ABTB2: variants seen among roughly 807,000 people sequenced by gnomAD.
ABTB2 encodes the protein ankyrin repeat and BTB domain containing 2.
A neutral mutation model predicts 104.1 loss-of-function variants in ABTB2; 56 were observed. The ratio of observed to expected loss-of-function variants is 0.54; its 90% CI spans 0.43 to 0.67. ABTB2 has a LOEUF of 0.67. ABTB2 is among the 30% of genes least tolerant of loss of function. The probability of loss-of-function intolerance (pLI) is 0.00; values close to 1 mark genes in which losing one functional copy is unlikely to be tolerated. For synonymous variants in ABTB2, 606 were observed against 608.2 expected (o/e 1.00, Z 0.05); for missense variants, 1,279 against 1,407.7 (o/e 0.91, Z 1.46).
intron 1 of ABTB2, among the ~76,000 whole-genome samples, chr11:34,317,770 A>AAAAAG (rs1854955068): frequency 6.6e-6 from 1 of 151,808 alleles, no homozygotes; most frequent in Non-Finnish European, 1.5e-5. Context: ...TCAAAAAAAA[A>AAAAAG]AAAAAAAAAT....
Position 34,234,115 on chromosome 11 carries a change from C to T in ABTB2, c.884-29425G>A, listed in dbSNP as rs187091676. 1.5e-3 allele frequency among the ~76,000 whole-genome samples: 225 copies of T among 152,288 alleles called. 3 individuals are homozygous for T. Among genetic ancestry groups the T allele is most frequent in the South Asian group, 7.7e-3 (37 of 4,824 alleles). On this transcript the variant is annotated intron_variant, in intron 1 of 16. Coordinates refer to ENST00000435224, the MANE Select transcript of ABTB2 (RefSeq NM_145804.3). ...TTCCACAGTGCTCTGGCAAGGCCTT[C>T]TCCGTGGCTCAGTTAGGGGGTTTCC...
chr11:34,318,353 T>C (rs1854965044), intron 1 of ABTB2, among the ~76,000 whole-genome samples: 2 of 152,144 alleles, frequency 1.3e-5, no homozygotes, highest in African/African-American at 4.8e-5. Context: ...TATGAGAACA[T>C]GTGATATTTG....
chr11:34,215,691 C>A (rs564436428), intron 1 of ABTB2, among the ~76,000 whole-genome samples: 1 of 152,320 alleles, frequency 6.6e-6, no homozygotes, highest in South Asian at 2.1e-4. Flanking sequence ...TAGGCCTAAT[C>A]ATACTTCCTA....
intron 3 of ABTB2, among the ~76,000 whole-genome samples, chr11:34,173,511 C>T (rs1007229593): frequency 6.6e-6 from 1 of 152,100 alleles, no homozygotes; most frequent in Non-Finnish European, 1.5e-5. Flanking sequence ...TAAGCACACA[C>T]ATGCTCACAA....
chr11:34,333,101 T>C lies in ABTB2; in HGVS notation c.883+23600A>G, dbSNP rs60118971. The stretch of plus-strand genomic sequence containing the variant: ...AGTTGATTCTCCTAATCCAACCCTA[T>C]AGCACAAGTACTATCACTTTAAAAA... On this transcript the variant is annotated intron_variant, in intron 1 of 16. Coordinates refer to ENST00000435224, the MANE Select transcript of ABTB2 (RefSeq NM_145804.3). Among the ~76,000 whole-genome samples the C allele has an allele frequency of 5.9e-3, 895 of 152,330 alleles. 7 individuals are homozygous for C. Among genetic ancestry groups the C allele is most frequent in the African/African-American group, 0.02 (833 of 41,570 alleles).
rs1266678819 is a variant in ABTB2 at position 34,356,161 on chromosome 11, C to T, written c.883+540G>A. On this transcript the variant is annotated intron_variant, in intron 1 of 16. Transcript: ENST00000435224. This position sits in a 1 kb window ranked among gnomAD's most constrained non-coding sequence, Gnocchi z 4.6. ...CCCCAAGAGAGCGCCTGACAGCATC[C>T]TTCAGCCCAGCAAAGCACAAGGCGC... is the stretch of plus-strand genomic sequence containing the variant. 6.6e-6 allele frequency among the ~76,000 whole-genome samples: 1 copy of T among 152,230 alleles called. No individual in the cohort carries two copies. The highest frequency in any genetic ancestry group is 1.5e-5 in the Non-Finnish European group (1 of 68,042).
In ABTB2 at chr11:34,357,623, C is replaced by T. The variant is rs776776749; in HGVS notation, c.-40G>A. 2.0e-6 allele frequency: 3 copies of T among 1,476,194 alleles called. No homozygotes were observed. In the South Asian group the frequency reaches 4.0e-5, roughly 20 times the overall value. The allele number at this position is 1,476,194 out of a possible 1,614,324, so 91.4% of individuals were successfully genotyped here. The stretch of plus-strand genomic sequence containing the variant: ...GGGCGGCGTCGCCGAGCGAGGGGCA[C>T]TCACAACTCCATGCCCTCTTTCCCA... On this transcript the variant is annotated 5_prime_UTR_variant, in exon 1 of 17. The change creates a new upstream start codon in the 5' untranslated region. Transcript: ENST00000435224.
chr11:34,208,732 C>T (rs1049769220), intron 1 of ABTB2, among the ~76,000 whole-genome samples: 1 of 152,068 alleles, frequency 6.6e-6, no homozygotes, highest in African/African-American at 2.4e-5. Context: ...CCGTGGCCAC[C>T]CGGTTGCCCA....
At chr11:34,274,158 CAAAAAAAAAAAAAAAAAAAAAA>C (rs763755237) in intron 1 of ABTB2, among the ~76,000 whole-genome samples, 1 of 50,738 alleles carries the variant, frequency 2.0e-5, no homozygotes, top group African/African-American at 7.1e-5. Flanking sequence ...GACTCCGTCT[CAAAAAAAAAAAAAAAAAAAAAA>C]AAAAAAAAGA....
intron 3 of ABTB2, among the ~76,000 whole-genome samples, chr11:34,187,957 G>A (rs577009831): frequency 2.0e-5 from 3 of 152,276 alleles, no homozygotes; most frequent in South Asian, 4.1e-4. Flanking sequence ...TGAACACAAC[G>A]TGGTCTTTTT....
At chr11:34,251,674 G>A (rs1392936119) in intron 1 of ABTB2, among the ~76,000 whole-genome samples, 1 of 152,080 alleles carries the variant, frequency 6.6e-6, no homozygotes, top group East Asian at 1.9e-4. Context: ...GCTGGGACCA[G>A]GTGCAATGCA....
chr11:34,167,785 T>C (rs1852821045), intron 6 of ABTB2, 118 bp downstream of exon 6: 1 of 1,069,680 alleles, frequency 9.3e-7, no homozygotes, highest in Non-Finnish European at 1.4e-6. Context: ...GTCTTTCCGG[T>C]CTTTTGACAC....
rs1027088965 is a variant in ABTB2 at position 34,316,683 on chromosome 11, T to C, written c.883+40018A>G. On this transcript the variant is annotated intron_variant, in intron 1 of 16. Coordinates refer to ENST00000435224, the MANE Select transcript of ABTB2 (RefSeq NM_145804.3). ...AAGATAATCCATGAGCCCCAGAATA[T>C]GTTTTTAAAAAAAAATACAGTGTGT... Among the ~76,000 whole-genome samples the C allele has an allele frequency of 2.0e-5, 3 of 152,144 alleles. No homozygotes were observed. In the East Asian group the frequency reaches 5.8e-4, roughly 29 times the overall value.
At chr11:34,169,725 G>A (rs2133013783) in intron 5 of ABTB2, among the ~76,000 whole-genome samples, 1 of 152,078 alleles carries the variant, frequency 6.6e-6, no homozygotes, top group African/African-American at 2.4e-5. Context: ...CTGGGCCTGT[G>A]GTCCTTCCCC....
intron 1 of ABTB2, among the ~76,000 whole-genome samples, chr11:34,326,364 T>C (rs1026136050): frequency 5.9e-5 from 9 of 152,318 alleles, no homozygotes; most frequent in Non-Finnish European, 1.2e-4. Flanking sequence ...GGCTCACATT[T>C]GTAATCCCAA....
At position 34,154,777 on chromosome 11, in the gene ABTB2, G is replaced by GGGAAGA. The variant is rs747478584; in HGVS notation, c.2698-14_2698-9dup. ...CAGATACTGCATCATCATCTGTGGTGGGAAGAGGCCCATGTGAATGCCACG... is the reference window on the plus strand; with the variant it reads ...CAGATACTGCATCATCATCTGTGGTGGGAAGAGGAAGAGGCCCATGTGAATGCCACG... On this transcript the variant is annotated splice_polypyrimidine_tract_variant and intron_variant, in intron 14 of 16. Transcript: ENST00000435224. This position sits in a 1 kb window ranked among gnomAD's most constrained non-coding sequence, Gnocchi z 4.9. The GGGAAGA allele has an allele frequency of 1.9e-6, 3 of 1,613,854 alleles. No individual in the cohort carries two copies. The African/African-American group carries it at 4.0e-5, about 22-fold the overall frequency.
intron 3 of ABTB2, among the ~76,000 whole-genome samples, chr11:34,190,832 GAGTGTCAAACATGCCATCT>G (rs774285065): frequency 7.2e-5 from 11 of 152,154 alleles, no homozygotes; most frequent in Non-Finnish European, 1.6e-4. Context: ...AGCCTGCTCT[GAGTGTCAAACATGCCATCT>G]AAATGTTGTT....
chr11:34,230,644 C>T (rs80270174), intron 1 of ABTB2, among the ~76,000 whole-genome samples: 6,980 of 152,128 alleles, frequency 0.046, 228 homozygotes, highest in Non-Finnish European at 0.073. Flanking sequence ...GTTTATAATA[C>T]CCTCCCACCA....
At chr11:34,259,009 C>T in intron 1 of ABTB2, among the ~76,000 whole-genome samples, 1 of 152,206 alleles carries the variant, frequency 6.6e-6, no homozygotes, top group Non-Finnish European at 1.5e-5. Context: ...CTGTTCTGCT[C>T]ACATTATGCT....
Sources: allele counts gnomAD v4.1 joint callset (sites outside exome capture counted in the v4.1 genomes callset), GRCh38; gene constraint gnomAD v4.1.1; non-coding constraint Gnocchi (gnomAD v3.1); transcripts MANE v1.5; gene names NCBI Gene and HGNC (gene_info 2026-07-23, HGNC 2026-07-21).